The following POU2F2 variants were observed in gnomAD, a reference collection of about 807,000 sequenced individuals.
The protein encoded by POU2F2 is POU class 2 homeobox 2.
A neutral mutation model predicts 63.5 loss-of-function variants in POU2F2; 14 were observed. The observed-to-expected ratio is 0.22, with a 90% confidence interval of 0.15 to 0.34. POU2F2 has a LOEUF of 0.34. Among genes scored for constraint, POU2F2 ranks in the 10% least tolerant of loss-of-function variants. The pLI is 1.00. For missense variants in POU2F2, 607 were observed against 815.2 expected (o/e 0.74, Z 3.11); for synonymous variants, 306 against 348.6 (o/e 0.88, Z 1.36).
At chr19:42,179,885 G>A (rs886978405), upstream of POU2F2, among the ~76,000 whole-genome samples, 6 of 152,096 alleles carry the variant, frequency 3.9e-5, no homozygotes, top group African/African-American at 1.4e-4. Flanking sequence ...CACTGTGTGC[G>A]CAACACAAAT....
intron 2 of POU2F2, among the ~76,000 whole-genome samples, chr19:42,139,774 A>G (rs1053569931): frequency 2.6e-5 from 4 of 152,296 alleles, no homozygotes; most frequent in Middle Eastern, 3.4e-3. Flanking sequence ...GAAAGAAACA[A>G]GAACGGGTGA....
At chr19:42,195,842 T>C (rs1419037584) in intron 1 of POU2F2, among the ~76,000 whole-genome samples, 3 of 148,712 alleles carry the variant, frequency 2.0e-5, no homozygotes, top group African/African-American at 5.0e-5. Flanking sequence ...TTCAGTGGCG[T>C]GATTTCGGCT....
At chr19:42,187,473 A>AC in intron 1 of POU2F2, among the ~76,000 whole-genome samples, 1 of 150,658 alleles carries the variant, frequency 6.6e-6, no homozygotes, top group South Asian at 2.1e-4. Flanking sequence ...AAAAAAAAAA[A>AC]AAAACAGGCC....
At position 42,095,738 on chromosome 19, in the gene POU2F2, G is replaced by C; in HGVS notation, c.872-45C>G. On this transcript the variant is annotated intron_variant, in intron 9 of 14. Transcript: ENST00000692977. The surrounding 1 kb of genome is among the most constrained non-coding windows in gnomAD (Gnocchi z 7.1). ...TGAGCATGAGAAGGGGCCTCCCGCG[G>C]CCAGCGGCCACTGCCCGCCCCCTAC... 1 of 1,612,446 alleles carries C rather than the reference G, an allele frequency of 6.2e-7. No homozygotes were observed.
chr19:42,122,352 T>C lies in POU2F2; in HGVS notation c.121A>G (p.Asn41Asp). ...TDTERNGPDT[N>D]HQNPQNKTSP... ...ATCCACTCCCTCCTAACCTGATGATTAGTGTCTGGTCCATTTCTTTCGGTG... is the reference window on the plus strand; with the variant it reads ...ATCCACTCCCTCCTAACCTGATGATCAGTGTCTGGTCCATTTCTTTCGGTG... The change falls in exon 3 of 15, where the codon AAT becomes GAT. Residue 41 changes from asparagine (N) to aspartate (D), a missense_variant. Coordinates refer to ENST00000692977, the MANE Select transcript of POU2F2 (RefSeq NM_001394376.1). The C allele has an allele frequency of 6.2e-7, 1 of 1,610,202 alleles. No individual in the cohort carries two copies. Among genetic ancestry groups the C allele is most frequent in the Non-Finnish European group, 8.5e-7 (1 of 1,178,624 alleles).
At chr19:42,091,750 G>A (rs1415889128) in intron 14 of POU2F2, 117 bp downstream of exon 14, 3 of 1,549,984 alleles carry the variant, frequency 1.9e-6, no homozygotes, top group Admixed American at 2.0e-5. Context: ...TGGGTATGAA[G>A]AGGCAAGCAA....
rs1348593137 is a variant in POU2F2, at chr19:42,092,277, G to A, written c.1265-7C>T. On this transcript the variant is annotated splice_polypyrimidine_tract_variant and splice_region_variant and intron_variant, in intron 12 of 14. Coordinates refer to ENST00000692977, the MANE Select transcript of POU2F2 (RefSeq NM_001394376.1). The surrounding 1 kb of genome is among the most constrained non-coding windows in gnomAD (Gnocchi z 5.0). ...GCTGAGGATAAGGTAGTAACTGCCA[G>A]AGAGAGACAGAAAGATGGGGTCTTC... is the stretch of plus-strand genomic sequence containing the variant. 2 of 1,542,212 alleles carry A rather than the reference G, an allele frequency of 1.3e-6. No homozygotes were observed. The highest frequency in any genetic ancestry group is 1.8e-6 in the Non-Finnish European group (2 of 1,138,700).
At chr19:42,146,554 T>C (rs930937366) in intron 2 of POU2F2, among the ~76,000 whole-genome samples, 4 of 152,198 alleles carry the variant, frequency 2.6e-5, no homozygotes, top group Admixed American at 2.6e-4. Context: ...TCCGAGCTCA[T>C]ACAGAAAGAC....
upstream of POU2F2, among the ~76,000 whole-genome samples, chr19:42,133,837 CAGAA>C (rs1044605834): frequency 2.0e-5 from 3 of 152,170 alleles, no homozygotes; most frequent in African/African-American, 7.2e-5. This position sits in a 1 kb window ranked among gnomAD's most constrained non-coding sequence, Gnocchi z 5.1. Flanking sequence ...CAGGCACACT[CAGAA>C]AGGGTATACT....
At chr19:42,119,518 C>G (rs1242378597) in intron 4 of POU2F2, among the ~76,000 whole-genome samples, 2 of 152,126 alleles carry the variant, frequency 1.3e-5, no homozygotes, top group East Asian at 1.9e-4. Context: ...ACTAAAAATA[C>G]AAAAATTAGC....
chr19:42,179,146 G>C (rs2034931622), upstream of POU2F2, among the ~76,000 whole-genome samples: 1 of 152,084 alleles, frequency 6.6e-6, no homozygotes, highest in Non-Finnish European at 1.5e-5. Flanking sequence ...GGACAGGCTG[G>C]GGTGAAAGCA....
At position 42,087,919 on chromosome 19, in the gene POU2F2, GTT is replaced by G. The variant is rs2076598608; in HGVS notation, c.*3336_*3337del. Reference sequence around the variant, plus strand: ...ACCACAAAATAAAAACGATGAGATAGTTTTGTTTCCCGGAGTCGAGACGGGGG... The same window carrying G: ...ACCACAAAATAAAAACGATGAGATAGTTGTTTCCCGGAGTCGAGACGGGGG... On this transcript the variant is annotated 3_prime_UTR_variant, in exon 15 of 15. Coordinates refer to ENST00000692977, the MANE Select transcript of POU2F2 (RefSeq NM_001394376.1). The G allele has an allele frequency of 1.3e-5, 2 of 152,154 alleles. No homozygotes were observed. The highest frequency in any genetic ancestry group is 2.4e-5 in the African/African-American group (1 of 41,418). The allele number at this position is 152,154 out of a possible 1,614,324, so 9.4% of individuals were successfully genotyped here.
chr19:42,145,251 C>T (rs950101996), intron 2 of POU2F2, among the ~76,000 whole-genome samples: 10 of 152,166 alleles, frequency 6.6e-5, no homozygotes, highest in South Asian at 6.2e-4. Context: ...AGTATTCCTT[C>T]GTTCTTAGTA....
chr19:42,133,237 G>A (rs2033883170), upstream of POU2F2, among the ~76,000 whole-genome samples: 1 of 152,228 alleles, frequency 6.6e-6, no homozygotes, highest in Non-Finnish European at 1.5e-5. This position sits in a 1 kb window ranked among gnomAD's most constrained non-coding sequence, Gnocchi z 5.1. Context: ...GCTTCCCTCC[G>A]TGCCCGCCAG....
intron 2 of POU2F2, among the ~76,000 whole-genome samples, chr19:42,139,138 A>G (rs2034077509): frequency 6.6e-6 from 1 of 152,062 alleles, no homozygotes; most frequent in Non-Finnish European, 1.5e-5. Context: ...CCAACATACA[A>G]TAAAACCCCA....
intron 1 of POU2F2, among the ~76,000 whole-genome samples, chr19:42,183,109 C>T (rs2034980301): frequency 6.6e-6 from 1 of 152,208 alleles, no homozygotes; most frequent in African/African-American, 2.4e-5. Context: ...CCCAGGCTGA[C>T]TCTCCCCAAG....
chr19:42,150,390 C>A (rs1330291041), intron 2 of POU2F2, among the ~76,000 whole-genome samples: 2 of 129,890 alleles, frequency 1.5e-5, no homozygotes, highest in African/African-American at 2.9e-5. Context: ...CGATGCTGAT[C>A]CTGCGGTGGG....
In POU2F2 at chr19:42,092,760, C is replaced by T. The variant is rs1292134507; in HGVS notation, c.1265-490G>A. ...CCTTAACCTCTCTGACCTTCAGATCCCTTGTCTGGAAAATGGGGATAATAA... is the reference window on the plus strand; with the variant it reads ...CCTTAACCTCTCTGACCTTCAGATCTCTTGTCTGGAAAATGGGGATAATAA... On this transcript the variant is annotated intron_variant, in intron 12 of 14. Coordinates refer to ENST00000692977, the MANE Select transcript of POU2F2 (RefSeq NM_001394376.1). The surrounding 1 kb of genome is among the most constrained non-coding windows in gnomAD (Gnocchi z 5.0). Among the ~76,000 whole-genome samples the T allele has an allele frequency of 6.6e-6, 1 of 151,996 alleles. No homozygotes were observed. The highest frequency in any genetic ancestry group is 2.4e-5 in the African/African-American group (1 of 41,360).
chr19:42,111,071 GTCCT>G (rs2031007583), intron 5 of POU2F2, among the ~76,000 whole-genome samples: 1 of 152,108 alleles, frequency 6.6e-6, no homozygotes, highest in Non-Finnish European at 1.5e-5. Context: ...ATCTGGCTGA[GTCCT>G]TCCTTCCTTC....
Sources: gnomAD v4.1 joint callset for allele counts (sites outside exome capture counted in the v4.1 genomes callset) on GRCh38, gnomAD v4.1.1 for gene constraint, Gnocchi (gnomAD v3.1) non-coding constraint, MANE v1.5 for transcripts, NCBI Gene and HGNC (gene_info 2026-07-23, HGNC 2026-07-21) for gene names.